PCDHA7: variants seen among roughly 807,000 people sequenced by gnomAD.
PCDHA7 encodes the protein protocadherin alpha 7, also known as protocadherin alpha-7.
Under a neutral mutation model 57.2 loss-of-function variants are expected in PCDHA7, and 37 were observed. The observed-to-expected ratio is 0.65, with a 90% CI of 0.50 to 0.85. The LOEUF (loss-of-function observed/expected upper bound fraction) is 0.85. Ranked by LOEUF, PCDHA7 falls within the 40% of genes least tolerant of loss-of-function variation. The pLI, the probability that PCDHA7 is intolerant of heterozygous loss-of-function variation, is 0.00. For missense variants in PCDHA7, 1,188 were observed against 1,241.8 expected (o/e 0.96, Z 0.65); for synonymous variants, 553 against 558.8 (o/e 0.99, Z 0.15).
chr5:141,003,445 G>A (rs2098125256), intron 3 of PCDHA7, among the ~76,000 whole-genome samples: 1 of 152,112 alleles, frequency 6.6e-6, no homozygotes, highest in African/African-American at 2.4e-5. Flanking sequence ...CCAAGTAGAT[G>A]AAATTACAGG....
intron 1 of PCDHA7, among the ~76,000 whole-genome samples, chr5:140,847,077 G>T (rs2150397168): frequency 6.7e-6 from 1 of 149,668 alleles, no homozygotes; most frequent in East Asian, 1.9e-4. Flanking sequence ...ATGACAAGTA[G>T]AAAAGTCCAC....
chr5:140,835,695 A>C lies in PCDHA7; in HGVS notation c.1312A>C (p.Thr438Pro), dbSNP rs2150242144. The change falls in exon 1 of 4, where the codon ACT becomes CCT. Residue 438 changes from threonine (T) to proline (P), a missense_variant. Physicochemically the swap from Thr to Pro is conservative, Grantham distance 38. Coordinates refer to ENST00000525929, the MANE Select transcript of PCDHA7 (RefSeq NM_018910.3). ...CGGGGGCTCGCCTTCTCTGTGGGCCACTGCTAGCGTGTCCGTGGAGGTGGC... is the reference window on the plus strand; with the variant it reads ...CGGGGGCTCGCCTTCTCTGTGGGCCCCTGCTAGCGTGTCCGTGGAGGTGGC... ...RDGGSPSLWA[T>P]ASVSVEVADV... is the part of the protein sequence containing the mutation. 1 of 1,613,830 alleles carries C rather than the reference A, an allele frequency of 6.2e-7. No individual in the cohort carries two copies.
chr5:140,995,498 CTG>C (rs1554254703), intron 3 of PCDHA7, among the ~76,000 whole-genome samples: 5 of 152,150 alleles, frequency 3.3e-5, no homozygotes, highest in Non-Finnish European at 5.9e-5. Context: ...CTAAGGTTGA[CTG>C]TGGGTAACTG....
intron 1 of PCDHA7, chr5:140,967,436 C>A (rs781894469): frequency 1.2e-6 from 2 of 1,613,378 alleles, no homozygotes; most frequent in Non-Finnish European, 8.5e-7. Flanking sequence ...AGCCTTGCAC[C>A]ACCTGGTTCT....
chr5:140,851,007 T>G, intron 1 of PCDHA7: 1 of 1,436,880 alleles, frequency 7.0e-7, no homozygotes, highest in Non-Finnish European at 9.2e-7. Context: ...CCAGCAGATT[T>G]TTTTTCTGAT....
intron 1 of PCDHA7, among the ~76,000 whole-genome samples, chr5:140,939,071 G>C (rs1376380334): frequency 2.0e-5 from 3 of 152,140 alleles, no homozygotes; most frequent in African/African-American, 7.2e-5. Context: ...TATCAAAATA[G>C]CATAAACTGG....
At chr5:140,927,975 C>T in intron 1 of PCDHA7, 2 of 1,614,244 alleles carry the variant, frequency 1.2e-6, no homozygotes, top group Non-Finnish European at 1.7e-6. Context: ...TGATTGCTCT[C>T]TTTAGTGTAA....
rs2150262609 is a variant in PCDHA7, at chr5:140,836,508, A to T, written c.2125A>T (p.Ser709Cys). 6 of 1,613,710 alleles carry T rather than the reference A, an allele frequency of 3.7e-6. No individual in the cohort carries two copies. The African/African-American group carries it at 8.0e-5, about 22-fold the overall frequency. The change falls in exon 1 of 4, where the codon AGT becomes TGT. Residue 709 changes from serine (S) to cysteine (C), a missense_variant. This residue lies in a region of PCDHA7 where 892 missense variants were observed against 788.5 expected (regional missense o/e 1.13). Transcript: ENST00000525929. ...YLIIAICAVS[S>C]LLVLTLLLYT... ...GATCATCGCCATCTGCGCGGTGTCC[A>T]GTCTGTTGGTGCTTACCCTGCTGCT...
At chr5:140,888,700 T>C (rs534278841) in intron 1 of PCDHA7, among the ~76,000 whole-genome samples, 2 of 152,274 alleles carry the variant, frequency 1.3e-5, no homozygotes, top group Non-Finnish European at 2.9e-5. Flanking sequence ...CTCTGATTGG[T>C]AGGAATGTGA....
chr5:140,851,304 C>T (rs2042021311), intron 1 of PCDHA7: 1 of 1,006,386 alleles, frequency 9.9e-7, no homozygotes, highest in East Asian at 6.6e-5. Context: ...AAATATATAG[C>T]AATTGTTACC....
intron 1 of PCDHA7, chr5:140,859,217 C>T (rs1409192343): frequency 6.7e-6 from 1 of 149,754 alleles, no homozygotes; most frequent in South Asian, 2.1e-4. Context: ...AGCTCTTTCA[C>T]TTTAAGGAAG....
intron 1 of PCDHA7, chr5:140,862,291 C>A (rs1029513176): frequency 7.5e-6 from 2 of 265,238 alleles, no homozygotes; most frequent in Admixed American, 4.8e-5. Flanking sequence ...TACAGGAGGA[C>A]GCTCCACTGG....
At chr5:140,935,080 C>T (rs1163743447) in intron 1 of PCDHA7, among the ~76,000 whole-genome samples, 1 of 152,076 alleles carries the variant, frequency 6.6e-6, no homozygotes, top group Non-Finnish European at 1.5e-5. Flanking sequence ...TGTACATTTC[C>T]TTTCCCAGAA....
At chr5:140,875,181 TAA>T (rs1554167538) in intron 1 of PCDHA7, 2 of 448,484 alleles carry the variant, frequency 4.5e-6, no homozygotes, top group East Asian at 4.2e-5. Flanking sequence ...ACATTAGAAT[TAA>T]GAGTGACCCA....
intron 1 of PCDHA7, among the ~76,000 whole-genome samples, chr5:140,872,922 T>C (rs1468048382): frequency 6.6e-6 from 1 of 152,218 alleles, no homozygotes; most frequent in African/African-American, 2.4e-5. Flanking sequence ...ATGCCTTATC[T>C]CTAATGTTTT....
intron 1 of PCDHA7, chr5:140,842,676 C>T (rs2150341725): frequency 6.3e-7 from 1 of 1,595,430 alleles, no homozygotes. Context: ...AACGACAATG[C>T]TCCGGCGTTC....
intron 1 of PCDHA7, chr5:140,883,895 C>T: frequency 6.2e-7 from 1 of 1,613,426 alleles, no homozygotes; most frequent in Non-Finnish European, 8.5e-7. Flanking sequence ...CTCTGGCGTG[C>T]CGCCTCTGGG....
At chr5:140,957,855 T>TC (rs1398127159) in intron 1 of PCDHA7, among the ~76,000 whole-genome samples, 1 of 151,980 alleles carries the variant, frequency 6.6e-6, no homozygotes, top group Non-Finnish European at 1.5e-5. Context: ...TTTGTGTATT[T>TC]TTTTTCCTAT....
chr5:140,982,701 T>C, intron 3 of PCDHA7, 138 bp downstream of exon 3: 1 of 1,383,086 alleles, frequency 7.2e-7, no homozygotes, highest in South Asian at 1.6e-5. Flanking sequence ...CATACATGAT[T>C]TCCTTACATA....
Sources: gnomAD v4.1 joint callset for allele counts (sites outside exome capture counted in the v4.1 genomes callset) on GRCh38, gnomAD v4.1.1 for gene constraint, gnomAD v4.1.1 regional missense constraint, MANE v1.5 for transcripts, NCBI Gene and HGNC (gene_info 2026-07-23, HGNC 2026-07-21) for gene names.